The following FANCM variants were observed in gnomAD, a reference collection of about 807,000 sequenced individuals.
The protein encoded by FANCM is Fanconi anemia group M protein.
FANCM carries 140 observed loss-of-function variants against 199.5 expected under a neutral mutation model. The ratio of observed to expected loss-of-function variants is 0.70; its 90% CI spans 0.61 to 0.81. FANCM has a LOEUF of 0.81. FANCM is among the 30% of genes least tolerant of loss of function. The pLI is 0.00. For synonymous variants in FANCM, 840 were observed against 836.8 expected (o/e 1.00, Z -0.07); for missense variants, 2,410 against 2,421.4 (o/e 1.00, Z 0.10).
chr14:45,141,220 G>A (rs1467663557), intron 3 of FANCM, among the ~76,000 whole-genome samples: 10 of 149,642 alleles, frequency 6.7e-5, no homozygotes, highest in African/African-American at 2.5e-4. Context: ...CTCGGGAGGC[G>A]GAGCTTGCAA....
chr14:45,199,070 T>G, intron 22 of FANCM, 135 bp downstream of exon 22: 3 of 674,348 alleles, frequency 4.4e-6, no homozygotes, highest in Non-Finnish European at 7.4e-6. Flanking sequence ...ATTTTTTGCC[T>G]GCCAACATAT....
chr14:45,187,736 T>C (rs1889494787), intron 18 of FANCM, 45 bp from the exon 19 acceptor site: 2 of 904,360 alleles, frequency 2.2e-6, no homozygotes, highest in Non-Finnish European at 3.6e-6. Flanking sequence ...CTGGTTTTCA[T>C]TTAAATAATT....
intron 3 of FANCM, among the ~76,000 whole-genome samples, chr14:45,144,782 G>T (rs1267792599): frequency 6.6e-6 from 1 of 152,190 alleles, no homozygotes; most frequent in Non-Finnish European, 1.5e-5. Context: ...TGCTGTTCAA[G>T]AGTCAAGGCC....
chr14:45,141,038 C>T (rs1885883445), intron 3 of FANCM, among the ~76,000 whole-genome samples: 1 of 152,106 alleles, frequency 6.6e-6, no homozygotes, highest in African/African-American at 2.4e-5. Flanking sequence ...CCCGTAATCC[C>T]AGCACTCTGG....
At chr14:45,169,468 C>T (rs1235955721) in intron 11 of FANCM, among the ~76,000 whole-genome samples, 2 of 151,402 alleles carry the variant, frequency 1.3e-5, no homozygotes, top group African/African-American at 4.9e-5. Context: ...AGACATGATC[C>T]TAGCTCATCA....
chr14:45,158,302 T>G (rs540647772), intron 8 of FANCM, among the ~76,000 whole-genome samples: 34 of 152,114 alleles, frequency 2.2e-4, no homozygotes, highest in Non-Finnish European at 4.3e-4. Flanking sequence ...CAATCCATAT[T>G]AGATATGAAG....
intron 11 of FANCM, among the ~76,000 whole-genome samples, chr14:45,169,260 A>G (rs529632810): frequency 2.0e-5 from 3 of 151,888 alleles, no homozygotes; most frequent in South Asian, 4.2e-4. Context: ...GTACCTGCCT[A>G]TTTCGAAATC....
rs138546646 is a variant in FANCM at position 45,199,764 on chromosome 14, A to T, written c.6009-106A>T. 17 of 967,036 alleles carry T rather than the reference A, an allele frequency of 1.8e-5. No homozygotes were observed. In the East Asian group the frequency reaches 3.7e-4, roughly 21 times the overall value. The allele number at this position is 967,036 out of a possible 1,614,324, so 59.9% of individuals were successfully genotyped here. A position where few individuals can be genotyped will look rare whatever the true frequency, so the allele number is the denominator to read the frequency against. On this transcript the variant is annotated intron_variant, in intron 22 of 22. Coordinates refer to ENST00000267430, the MANE Select transcript of FANCM (RefSeq NM_020937.4). ...ATATCAGCTGGGCGGATAATGCTTG[A>T]GATGATTTCCTTAAAGGCTACTGTG...
intron 5 of FANCM, among the ~76,000 whole-genome samples, chr14:45,152,174 A>G (rs1886871486): frequency 6.6e-6 from 1 of 151,812 alleles, no homozygotes; most frequent in Non-Finnish European, 1.5e-5. Context: ...GACTACAGGC[A>G]CGCATCACCA....
chr14:45,176,533 A>G lies in FANCM; in HGVS notation c.3779A>G (p.Tyr1260Cys), dbSNP rs752614944. The change falls in exon 14 of 23, where the codon TAT becomes TGT. Residue 1260 changes from tyrosine (Y) to cysteine (C), a missense_variant. Tyr to Cys is a radical substitution (Grantham distance 194). Transcript: ENST00000267430. ...SDSNRPLDDL[Y>C]GRYLEIKEIS... The stretch of plus-strand genomic sequence containing the variant: ...AGCAATAGACCTCTAGATGATCTAT[A>G]TGGAAGGTATTTGGAAATTAAGGAG... 6.2e-7 allele frequency: 1 copy of G among 1,601,160 alleles called. No individual in the cohort carries two copies.
chr14:45,196,848 C>A (rs558259425), intron 21 of FANCM, among the ~76,000 whole-genome samples: 1 of 152,100 alleles, frequency 6.6e-6, no homozygotes, highest in Admixed American at 6.6e-5. Flanking sequence ...AAGTAGTATT[C>A]GGGAGATGTT....
At position 45,173,100 on chromosome 14, in the gene FANCM, T is replaced by C; in HGVS notation, c.2206T>C (p.Trp736Arg). 6.2e-7 allele frequency: 1 copy of C among 1,612,046 alleles called. No individual in the cohort carries two copies. Among genetic ancestry groups the C allele is most frequent in the Non-Finnish European group, 8.5e-7 (1 of 1,178,150 alleles). ...AATTCATCAACTCTCTCTCTCTGAA[T>C]GGAGACTGTGGCAAGATCATCCTTT... ...TGIHQLSLSEWRLWQDHPLPT... is the reference protein window; with the variant it reads ...TGIHQLSLSERRLWQDHPLPT... The change falls in exon 13 of 23, where the codon TGG becomes CGG. Residue 736 changes from tryptophan (W) to arginine (R), a missense_variant. Trp to Arg is a moderately radical substitution (Grantham distance 101). Transcript: ENST00000267430.
At chr14:45,150,160 A>G (rs1207313639) in intron 4 of FANCM, among the ~76,000 whole-genome samples, 1 of 152,226 alleles carries the variant, frequency 6.6e-6, no homozygotes, top group East Asian at 1.9e-4. Flanking sequence ...CACTTAATCT[A>G]TAGTAAGCCT....
At chr14:45,178,717 TTGTC>T (rs1415881638) in intron 14 of FANCM, among the ~76,000 whole-genome samples, 1 of 152,158 alleles carries the variant, frequency 6.6e-6, no homozygotes, top group Non-Finnish European at 1.5e-5. Flanking sequence ...TCACTCAAGT[TTGTC>T]TGTCTGGGTA....
At chr14:45,150,618 C>T (rs998477494) in intron 4 of FANCM, among the ~76,000 whole-genome samples, 9 of 152,158 alleles carry the variant, frequency 5.9e-5, no homozygotes, top group Non-Finnish European at 8.8e-5. Flanking sequence ...CTTAGAACCT[C>T]ACATGGTAGA....
intron 12 of FANCM, 35 bp downstream of exon 12, chr14:45,170,781 C>T (rs200491978): frequency 6.3e-7 from 1 of 1,577,822 alleles, no homozygotes. Context: ...TTCTTTTCCC[C>T]CCCCTCATTT....
At chr14:45,136,609 C>A (rs2139104599) in intron 1 of FANCM, 70 bp downstream of exon 1, 1 of 1,450,408 alleles carries the variant, frequency 6.9e-7, no homozygotes, top group Non-Finnish European at 9.6e-7. Flanking sequence ...AGTTCCCAAG[C>A]TACAACATGT....
chr14:45,165,360 A>C lies in FANCM; in HGVS notation c.1788+795A>C, dbSNP rs137881316. Among the ~76,000 whole-genome samples, 99 of 152,286 alleles carry C rather than the reference A, an allele frequency of 6.5e-4. No homozygotes were observed. In the East Asian group the frequency reaches 0.016, roughly 25 times the overall value. The stretch of plus-strand genomic sequence containing the variant: ...CAGGAGTCCGAGACCAGCCTGGCCA[A>C]CATGGTGAAACCCCGTCTCTACTAA... On this transcript the variant is annotated intron_variant, in intron 10 of 22. Coordinates refer to ENST00000267430, the MANE Select transcript of FANCM (RefSeq NM_020937.4).
chr14:45,145,464 CA>C (rs1380578733), intron 3 of FANCM, among the ~76,000 whole-genome samples: 1 of 152,144 alleles, frequency 6.6e-6, no homozygotes, highest in East Asian at 1.9e-4. Context: ...TCTGTGGTGG[CA>C]TTGACTGAGT....
Sources: gnomAD v4.1 joint callset for allele counts (sites outside exome capture counted in the v4.1 genomes callset) on GRCh38, gnomAD v4.1.1 for gene constraint, MANE v1.5 for transcripts, NCBI Gene and HGNC (gene_info 2026-07-23, HGNC 2026-07-21) for gene names.